Variants in PLA2G6 observed in about 807,000 individuals in gnomAD.
The protein encoded by PLA2G6 is phospholipase A2 group VI, also known as 85/88 kDa calcium-independent phospholipase A2.
Under a neutral mutation model 83.8 loss-of-function variants are expected in PLA2G6, and 62 were observed. That is an observed-to-expected ratio of 0.74 (90% CI 0.60 to 0.91). The LOEUF (loss-of-function observed/expected upper bound fraction) is 0.91, where lower values mean the gene tolerates loss of function less well. Among genes scored for constraint, PLA2G6 ranks in the 40% least tolerant of loss-of-function variants. PLA2G6 has a pLI of 0.00. For synonymous variants in PLA2G6, 417 were observed against 449.8 expected, an observed-to-expected ratio of 0.93 and a Z score of 0.92; for missense variants, 944 against 1,102.0, an observed-to-expected ratio of 0.86 and a Z score of 2.03.
chr22:38,169,125 C>T (rs2090335969), intron 2 of PLA2G6, 93 bp downstream of exon 2: 16 of 989,998 alleles, frequency 1.6e-5, no homozygotes, highest in Non-Finnish European at 2.5e-5. Context: ...CAGACAGAGA[C>T]TCAAAGAAAC....
intron 16 of PLA2G6, 32 bp downstream of exon 16, chr22:38,112,471 CG>C (rs1569239123): frequency 6.5e-7 from 1 of 1,539,392 alleles, no homozygotes; most frequent in Non-Finnish European, 8.8e-7. Context: ...CGCCAGGGCA[CG>C]GGGCCAAGGG....
intron 5 of PLA2G6, chr22:38,135,859 A>C (rs2088520992): frequency 1.3e-5 from 2 of 152,190 alleles, no homozygotes; most frequent in Non-Finnish European, 2.9e-5. Flanking sequence ...AAAGGACGGA[A>C]TGCAGGGACT....
At chr22:38,156,890 G>T (rs954275248) in intron 2 of PLA2G6, among the ~76,000 whole-genome samples, 2 of 152,146 alleles carry the variant, frequency 1.3e-5, no homozygotes, top group African/African-American at 4.8e-5. Context: ...AATGGTCAAT[G>T]AAGAAATTAA....
chr22:38,135,674 CCTG>C (rs2088508013), intron 5 of PLA2G6: 1 of 152,532 alleles, frequency 6.6e-6, no homozygotes, highest in Non-Finnish European at 1.5e-5. Flanking sequence ...TTAGGCCCCG[CCTG>C]GCCCAAAGAA....
At chr22:38,125,016 G>C (rs2087752120) in intron 10 of PLA2G6, among the ~76,000 whole-genome samples, 1 of 152,200 alleles carries the variant, frequency 6.6e-6, no homozygotes, top group African/African-American at 2.4e-5. Context: ...GGGTTCTGAG[G>C]CTCCAGAATC....
chr22:38,170,444 G>C (rs546425178), intron 1 of PLA2G6, among the ~76,000 whole-genome samples: 5 of 152,092 alleles, frequency 3.3e-5, no homozygotes, highest in Admixed American at 6.5e-5. Flanking sequence ...AGGGGCAGGT[G>C]GGGGAGCCCC....
intron 1 of PLA2G6, among the ~76,000 whole-genome samples, chr22:38,171,521 A>C (rs2090438588): frequency 6.6e-6 from 1 of 151,824 alleles, no homozygotes; most frequent in Non-Finnish European, 1.5e-5. Context: ...AATTTCTTCC[A>C]AACAATTTTT....
chr22:38,112,455 C>T (rs554827625), intron 16 of PLA2G6, 49 bp downstream of exon 16: 44 of 1,522,056 alleles, frequency 2.9e-5, no homozygotes, highest in Non-Finnish European at 3.0e-5. Flanking sequence ...TCGGTGAGTC[C>T]GACCACGCCA....
rs762534892 is a variant in PLA2G6 at position 38,128,360 on chromosome 22, G to A, written c.1257C>T (p.His419=). Residue 419 remains histidine (H), a synonymous_variant, in exon 9 of 17, where the codon CAC becomes CAT. Coordinates refer to ENST00000332509, the MANE Select transcript of PLA2G6 (RefSeq NM_003560.4). This position sits in a 1 kb window ranked among gnomAD's most constrained non-coding sequence, Gnocchi z 4.4. ...VGAEYCFPPI[H]GVPAEQGSAA... The stretch of plus-strand genomic sequence containing the variant: ...CAGAGCCCTGCTCCGCGGGGACCCC[G>A]TGGATGGGTGGGAAGCAGTATTCGG... 1.1e-5 allele frequency: 17 copies of A among 1,613,754 alleles called. No homozygotes were observed. Among genetic ancestry groups the A allele is most frequent in the Middle Eastern group, 3.4e-4 (2 of 5,888 alleles).
In PLA2G6 at chr22:38,174,764, G is replaced by A. The variant is rs538683090; in HGVS notation, c.-45-5293C>T. ...GTGAGCATTTTCACTGGGACTGGAC[G>A]GCTCGAGAGGGGAAGGTGCTGAGAG... On this transcript the variant is annotated intron_variant, in intron 1 of 16. Transcript: ENST00000332509. Among the ~76,000 whole-genome samples the A allele has an allele frequency of 5.5e-4, 83 of 152,280 alleles. 1 individual carries two copies. Among genetic ancestry groups the A allele is most frequent in the African/African-American group, 1.8e-3 (75 of 41,560 alleles).
Position 38,135,083 on chromosome 22 carries a change from A to ACCT in PLA2G6, c.798-2_798dup (p.Gly266_Cys267insArg). 1 of 1,611,938 alleles carries ACCT rather than the reference A, an allele frequency of 6.2e-7. No individual in the cohort carries two copies. Among genetic ancestry groups the ACCT allele is most frequent in the Non-Finnish European group, 8.5e-7 (1 of 1,178,430 alleles). On this transcript the variant is annotated inframe_insertion and splice_region_variant, in exon 6 of 17. Transcript: ENST00000332509. ...TCCATGCTGATGATCATCTCCGCAC[A>ACCT]CCTGGTGAGAGAGGGGCCCCGGTTG...
intron 12 of PLA2G6, 46 bp downstream of exon 12, chr22:38,120,711 CCA>C: frequency 6.2e-7 from 1 of 1,608,224 alleles, no homozygotes; most frequent in Non-Finnish European, 8.5e-7. Context: ...CAGGGAACAG[CCA>C]CAGTGGGCAC....
In PLA2G6 at chr22:38,112,540, C is replaced by T. The variant is rs376144077; in HGVS notation, c.2240G>A (p.Arg747Gln). 26 of 1,554,190 alleles carry T rather than the reference C, an allele frequency of 1.7e-5. No individual in the cohort carries two copies. The highest frequency in any genetic ancestry group is 1.5e-4 in the Admixed American group (8 of 51,770). The change falls in exon 16 of 17, where the codon CGG becomes CAG. Residue 747 changes from arginine to glutamine, a missense_variant. Coordinates refer to ENST00000332509, the MANE Select transcript of PLA2G6 (RefSeq NM_003560.4). ...DPDGRAVDRA[R>Q]AWCEMVGIQY... ...GATGCCGACCATCTCGCACCAGGCC[C>T]GTGCCCGGTCCACAGCCCGCCCGTC... is the stretch of plus-strand genomic sequence containing the variant.
At chr22:38,138,368 G>T (rs1288527168) in intron 5 of PLA2G6, 1 of 152,422 alleles carries the variant, frequency 6.6e-6, no homozygotes, top group African/African-American at 2.4e-5. Context: ...AGGAGGGTTT[G>T]TCCAGGCTTG....
chr22:38,161,231 TTTCTCACAG>T (rs973709924), intron 2 of PLA2G6, among the ~76,000 whole-genome samples: 5 of 152,276 alleles, frequency 3.3e-5, no homozygotes, highest in African/African-American at 1.2e-4. Context: ...ACAACCTTTA[TTTCTCACAG>T]TTCTAGAGGC....
rs769823768 is a variant in PLA2G6, at chr22:38,116,295, T to G, written c.1743-84A>C. 17 of 1,474,884 alleles carry G rather than the reference T, an allele frequency of 1.2e-5. No homozygotes were observed. In the East Asian group the frequency reaches 1.8e-4, roughly 16 times the overall value. 91.4% of individuals were successfully genotyped at this position (1,474,884 alleles called of 1,614,324 possible). A position where few individuals can be genotyped will look rare whatever the true frequency, so the allele number is the denominator to read the frequency against. On this transcript the variant is annotated intron_variant, in intron 12 of 16. Transcript: ENST00000332509. ...CCCCACAATTCACACCCCAGGGCCT[T>G]GGGTAGCAGAGTGCCCACTCCAACC...
At chr22:38,164,861 C>G (rs1454844854) in intron 2 of PLA2G6, among the ~76,000 whole-genome samples, 2 of 152,154 alleles carry the variant, frequency 1.3e-5, no homozygotes, top group Non-Finnish European at 2.9e-5. Context: ...TGCACCAGGC[C>G]TGCTCTCCAC....
intron 2 of PLA2G6, among the ~76,000 whole-genome samples, chr22:38,153,477 G>GA (rs954760139): frequency 8.6e-5 from 13 of 150,438 alleles, no homozygotes; most frequent in African/African-American, 2.2e-4. Flanking sequence ...CTTTTTAATT[G>GA]AAAAAAAAAG....
At chr22:38,175,129 CT>C (rs2090585393) in intron 1 of PLA2G6, among the ~76,000 whole-genome samples, 1 of 152,160 alleles carries the variant, frequency 6.6e-6, no homozygotes, top group Non-Finnish European at 1.5e-5. Flanking sequence ...CTCTCCTCCC[CT>C]TTGGAAGGTC....
Sources: allele counts gnomAD v4.1 joint callset (sites outside exome capture counted in the v4.1 genomes callset), GRCh38; gene constraint gnomAD v4.1.1; non-coding constraint Gnocchi (gnomAD v3.1); transcripts MANE v1.5; gene names NCBI Gene and HGNC (gene_info 2026-07-23, HGNC 2026-07-21).